Variants in MSRA observed in about 807,000 individuals in gnomAD.
The protein encoded by MSRA is methionine sulfoxide reductase A.
A neutral mutation model predicts 31.3 loss-of-function variants in MSRA; 54 were observed. The ratio of observed to expected loss-of-function variants is 1.73; its 90% CI spans 1.39 to 2.17. The LOEUF is 2.17. Ranked by LOEUF, MSRA falls within the 30% of genes most tolerant of loss-of-function variation. MSRA has a pLI of 0.00. For synonymous variants in MSRA, 169 were observed against 116.5 expected, an observed-to-expected ratio of 1.45 and a Z score of -2.90; for missense variants, 507 against 300.9, an observed-to-expected ratio of 1.69 and a Z score of -5.07.
At chr8:10,213,060 A>C (rs1563225034) in intron 2 of MSRA, among the ~76,000 whole-genome samples, 1 of 152,110 alleles carries the variant, frequency 6.6e-6, no homozygotes, top group Non-Finnish European at 1.5e-5. Flanking sequence ...ACTCTTAGTT[A>C]TTTTTAAATA....
chr8:10,138,234 G>C (rs143034859), intron 1 of MSRA, among the ~76,000 whole-genome samples: 5 of 152,302 alleles, frequency 3.3e-5, no homozygotes, highest in African/African-American at 9.6e-5. Flanking sequence ...ATATCTCTTT[G>C]AGAGGTAATT....
intron 2 of MSRA, among the ~76,000 whole-genome samples, chr8:10,218,009 A>C (rs185208912): frequency 2.2e-4 from 34 of 151,996 alleles, no homozygotes; most frequent in Non-Finnish European, 4.9e-4. Flanking sequence ...GATCATGTTC[A>C]TTTGTCCTCT....
At chr8:10,284,897 C>G (rs1288568147) in intron 3 of MSRA, among the ~76,000 whole-genome samples, 1 of 152,066 alleles carries the variant, frequency 6.6e-6, no homozygotes, top group Non-Finnish European at 1.5e-5. Flanking sequence ...CTGTTTGCCA[C>G]TATTATTATC....
chr8:10,184,397 G>C (rs1209221786), intron 1 of MSRA, among the ~76,000 whole-genome samples: 1 of 151,948 alleles, frequency 6.6e-6, no homozygotes, highest in Non-Finnish European at 1.5e-5. Context: ...TTTCCTGCCT[G>C]GGAACAGTAA....
rs17151318 is a variant in MSRA at position 10,203,173 on chromosome 8, C to A, written c.143-4660C>A. 1.9e-3 allele frequency among the ~76,000 whole-genome samples: 290 copies of A among 151,984 alleles called. 1 individual carries two copies. Among genetic ancestry groups the A allele is most frequent in the Admixed American group, 3.5e-3 (53 of 15,270 alleles). On this transcript the variant is annotated intron_variant, in intron 1 of 5. Coordinates refer to ENST00000317173, the MANE Select transcript of MSRA (RefSeq NM_012331.5). ...GTGATGAGGGAATAGCAAGTGAACT[C>A]CCTCCACCTTCTCCAATTCATGCAG...
intron 1 of MSRA, among the ~76,000 whole-genome samples, chr8:10,199,082 C>A (rs1034203076): frequency 1.3e-5 from 2 of 152,282 alleles, no homozygotes; most frequent in East Asian, 3.9e-4. Context: ...CCCATCATTC[C>A]TCCCTTTGTC....
intron 1 of MSRA, among the ~76,000 whole-genome samples, chr8:10,157,770 C>T (rs1485471338): frequency 6.6e-6 from 1 of 151,974 alleles, no homozygotes; most frequent in African/African-American, 2.4e-5. Context: ...CCTCTCTCTG[C>T]CCGCCCTCTT....
intron 1 of MSRA, among the ~76,000 whole-genome samples, chr8:10,083,982 C>T (rs1798418567): frequency 6.6e-6 from 1 of 152,164 alleles, no homozygotes; most frequent in African/African-American, 2.4e-5. Flanking sequence ...GACCTGAAAT[C>T]CATTTACAAA....
intron 1 of MSRA, among the ~76,000 whole-genome samples, chr8:10,184,945 T>C (rs1391797142): frequency 6.6e-6 from 1 of 152,200 alleles, no homozygotes; most frequent in African/African-American, 2.4e-5. Context: ...AAGTAAATGA[T>C]GTTGAATAAA....
At chr8:10,249,896 C>T (rs1033194334) in intron 3 of MSRA, among the ~76,000 whole-genome samples, 2 of 152,176 alleles carry the variant, frequency 1.3e-5, no homozygotes, top group African/African-American at 4.8e-5. Flanking sequence ...CCATGAGGAG[C>T]CTAACTTGTA....
rs114195522 is a variant in MSRA, at chr8:10,196,881, C to A, written c.143-10952C>A. Reference sequence around the variant, plus strand: ...GCCACTGTACCTGGCCAGGACAGTACCTTTATAAACAAGAATAATAAGTAT... The same window carrying A: ...GCCACTGTACCTGGCCAGGACAGTAACTTTATAAACAAGAATAATAAGTAT... On this transcript the variant is annotated intron_variant, in intron 1 of 5. Transcript: ENST00000317173. Among the ~76,000 whole-genome samples, 1,089 of 152,092 alleles carry A rather than the reference C, an allele frequency of 7.2e-3. 12 individuals carry two copies. Among genetic ancestry groups the A allele is most frequent in the African/African-American group, 0.022 (894 of 41,476 alleles).
intron 3 of MSRA, among the ~76,000 whole-genome samples, chr8:10,256,740 T>C (rs1264084490): frequency 6.6e-6 from 1 of 152,232 alleles, no homozygotes; most frequent in East Asian, 1.9e-4. Context: ...CTTCCCTTTC[T>C]GTGGGGCAGA....
intron 1 of MSRA, among the ~76,000 whole-genome samples, chr8:10,058,614 A>T (rs1802527073): frequency 6.6e-6 from 1 of 152,254 alleles, no homozygotes; most frequent in African/African-American, 2.4e-5. Flanking sequence ...GAGCAGGAAT[A>T]AATGGCTATT....
chr8:10,079,947 T>A (rs772375603), intron 1 of MSRA, among the ~76,000 whole-genome samples: 18 of 152,234 alleles, frequency 1.2e-4, no homozygotes, highest in Non-Finnish European at 2.5e-4. Context: ...TCTTTTTTCC[T>A]CCTGACCTGC....
intron 5 of MSRA, among the ~76,000 whole-genome samples, chr8:10,392,563 A>C (rs993817352): frequency 6.6e-6 from 1 of 152,056 alleles, no homozygotes; most frequent in Non-Finnish European, 1.5e-5. Context: ...TGTTGTCAGG[A>C]AATGTGCCCA....
At chr8:10,289,164 C>T (rs887834248) in intron 3 of MSRA, among the ~76,000 whole-genome samples, 4 of 151,820 alleles carry the variant, frequency 2.6e-5, no homozygotes, top group Non-Finnish European at 4.4e-5. Flanking sequence ...TACAGGTGCC[C>T]GCCACCATGC....
chr8:10,067,943 G>C (rs1797545093), intron 1 of MSRA, among the ~76,000 whole-genome samples: 1 of 140,834 alleles, frequency 7.1e-6, no homozygotes, highest in Admixed American at 7.7e-5. Flanking sequence ...GAGTGCAGTG[G>C]TGCGATCTTG....
intron 4 of MSRA, among the ~76,000 whole-genome samples, chr8:10,309,915 G>A (rs182598956): frequency 5.9e-5 from 9 of 152,316 alleles, no homozygotes; most frequent in Admixed American, 2.0e-4. Flanking sequence ...CCTCTTTCCA[G>A]GTGCACTGTG....
intron 1 of MSRA, among the ~76,000 whole-genome samples, chr8:10,165,294 C>T (rs1042815213): frequency 6.6e-6 from 1 of 152,188 alleles, no homozygotes; most frequent in Non-Finnish European, 1.5e-5. Flanking sequence ...CCACTCTGCT[C>T]TCCAACAATA....
Sources: allele counts gnomAD v4.1 joint callset (sites outside exome capture counted in the v4.1 genomes callset), GRCh38; gene constraint gnomAD v4.1.1; transcripts MANE v1.5; gene names NCBI Gene and HGNC (gene_info 2026-07-23, HGNC 2026-07-21).